CHLSN: variants seen among roughly 807,000 people sequenced by gnomAD.
The protein encoded by CHLSN is protein cholesin.
chr7:1,042,132 C>A, the CHLSN span, among the ~76,000 whole-genome samples: 1 of 152,032 alleles, frequency 6.6e-6, no homozygotes, highest in African/African-American at 2.4e-5. Context: ...ATCAGGTGCA[C>A]AACTAGGGCA....
the CHLSN span, among the ~76,000 whole-genome samples, chr7:1,007,973 T>C: frequency 6.6e-6 from 1 of 152,140 alleles, no homozygotes; most frequent in South Asian, 2.1e-4. Flanking sequence ...CCTGCCCACG[T>C]CCCCAACGTC....
the CHLSN span, among the ~76,000 whole-genome samples, chr7:982,822 C>T: frequency 6.6e-6 from 1 of 152,250 alleles, no homozygotes; most frequent in East Asian, 1.9e-4. Context: ...GGCTCCCCTC[C>T]AAGCCAGGGC....
At chr7:1,007,709 C>T in the CHLSN span, among the ~76,000 whole-genome samples, 6 of 152,182 alleles carry the variant, frequency 3.9e-5, no homozygotes, top group Admixed American at 2.6e-4. Flanking sequence ...CCCCTCCTCC[C>T]ACACGCAGGA....
the CHLSN span, among the ~76,000 whole-genome samples, chr7:1,023,678 C>CA: frequency 2.8e-5 from 4 of 144,554 alleles, no homozygotes; most frequent in Middle Eastern, 0.011. The surrounding 1 kb of genome is among the most constrained non-coding windows in gnomAD (Gnocchi z 5.0). Flanking sequence ...CACACACACA[C>CA]CAGCAACGCG....
chr7:1,096,095 C>T, the CHLSN span, among the ~76,000 whole-genome samples: 71 of 152,374 alleles, frequency 4.7e-4, 2 homozygotes, highest in East Asian at 0.012. This position sits in a 1 kb window ranked among gnomAD's most constrained non-coding sequence, Gnocchi z 4.6. Context: ...GCGTCCTTCC[C>T]TCCCTGCCAC....
At chr7:1,108,741 A>T in the CHLSN span, among the ~76,000 whole-genome samples, 1 of 152,076 alleles carries the variant, frequency 6.6e-6, no homozygotes, top group Non-Finnish European at 1.5e-5. Context: ...GTCACTGCTG[A>T]CACACACGCC....
the CHLSN span, among the ~76,000 whole-genome samples, chr7:1,113,879 G>T: frequency 6.6e-6 from 1 of 152,348 alleles, no homozygotes; most frequent in Non-Finnish European, 1.5e-5. Flanking sequence ...GACGGCAGGA[G>T]GCCACGCTCT....
At chr7:1,098,391 T>C in the CHLSN span, among the ~76,000 whole-genome samples, 31 of 152,236 alleles carry the variant, frequency 2.0e-4, no homozygotes, top group African/African-American at 6.7e-4. Context: ...CATAAGCCAA[T>C]AGACGGAGAA....
At chr7:1,105,296 A>C in the CHLSN span, among the ~76,000 whole-genome samples, 1 of 152,214 alleles carries the variant, frequency 6.6e-6, no homozygotes, top group Non-Finnish European at 1.5e-5. Context: ...CAGCCCCAGA[A>C]ACAGCTTCAG....
At chr7:1,037,602 A>T in the CHLSN span, among the ~76,000 whole-genome samples, 17 of 145,366 alleles carry the variant, frequency 1.2e-4, no homozygotes, top group African/African-American at 4.2e-4. Flanking sequence ...ACTACAACCT[A>T]CACCTCCCAG....
chr7:1,001,065 T>C, the CHLSN span, among the ~76,000 whole-genome samples: 76 of 151,824 alleles, frequency 5.0e-4, no homozygotes, highest in African/African-American at 1.8e-3. Context: ...CCCGCCCCCG[T>C]CCCGCTCCTG....
At chr7:1,113,327 C>G in the CHLSN span, among the ~76,000 whole-genome samples, 1 of 152,188 alleles carries the variant, frequency 6.6e-6, no homozygotes, top group Admixed American at 6.5e-5. Context: ...TGTTTTCACA[C>G]TGTCCCCCAG....
At chr7:1,134,135 T>C in the CHLSN span, among the ~76,000 whole-genome samples, 2 of 152,166 alleles carry the variant, frequency 1.3e-5, no homozygotes, top group Non-Finnish European at 2.9e-5. Context: ...TCGCTGGGCA[T>C]GGTGGTGCGT....
chr7:1,135,789 A>AC, the CHLSN span, among the ~76,000 whole-genome samples: 1 of 87,830 alleles, frequency 1.1e-5, no homozygotes, highest in African/African-American at 7.1e-5. Flanking sequence ...ATATATATAT[A>AC]TATACACAAT....
chr7:1,043,049 C>A, the CHLSN span, among the ~76,000 whole-genome samples: 10 of 150,032 alleles, frequency 6.7e-5, no homozygotes, highest in African/African-American at 9.9e-5. Flanking sequence ...GTCAGGAGTT[C>A]GAGACCAGCC....
At chr7:1,038,254 T>G in the CHLSN span, among the ~76,000 whole-genome samples, 8 of 64,820 alleles carry the variant, frequency 1.2e-4, no homozygotes, top group South Asian at 6.8e-4. Flanking sequence ...GGGAGGGAGG[T>G]GGGGGGGTCA....
chr7:1,015,480 C>G, the CHLSN span, among the ~76,000 whole-genome samples: 1 of 152,236 alleles, frequency 6.6e-6, no homozygotes, highest in Admixed American at 6.5e-5. Context: ...CCACGCCGCT[C>G]TGGACTCAGG....
At chr7:1,116,285 C>A in the CHLSN span, among the ~76,000 whole-genome samples, 1 of 141,188 alleles carries the variant, frequency 7.1e-6, no homozygotes, top group African/African-American at 2.7e-5. Flanking sequence ...CCAAGGCCCA[C>A]GCAGGATGAC....
the CHLSN span, among the ~76,000 whole-genome samples, chr7:1,071,006 GCACATGCACA>G: frequency 5.3e-3 from 776 of 146,076 alleles, 6 homozygotes; most frequent in African/African-American, 0.014. Context: ...ACGTGCACAC[GCACATGCACA>G]CACATGCACA....
Sources: gnomAD v4.1 joint callset for allele counts (sites outside exome capture counted in the v4.1 genomes callset) on GRCh38, gnomAD v4.1.1 for gene constraint, Gnocchi (gnomAD v3.1) non-coding constraint, MANE v1.5 for transcripts, NCBI Gene and HGNC (gene_info 2026-07-23, HGNC 2026-07-21) for gene names.